WDR25: variants seen among roughly 807,000 people sequenced by gnomAD.
WDR25 encodes WD repeat-containing protein 25.
Under a neutral mutation model 47.7 loss-of-function variants are expected in WDR25, and 35 were observed. The observed-to-expected ratio is 0.73, with a 90% CI of 0.56 to 0.97. WDR25 has a LOEUF of 0.97. Ranked by LOEUF, WDR25 falls within the 50% of genes least tolerant of loss-of-function variation. The pLI, the probability that WDR25 is intolerant of heterozygous loss-of-function variation, is 0.00. For synonymous variants in WDR25, 248 were observed against 278.9 expected (o/e 0.89, Z 1.10); for missense variants, 634 against 704.7 (o/e 0.90, Z 1.14).
chr14:100,418,185 A>G (rs1595518999), intron 2 of WDR25, among the ~76,000 whole-genome samples: 1 of 149,476 alleles, frequency 6.7e-6, no homozygotes, highest in African/African-American at 2.5e-5. Flanking sequence ...CGTGATCCAC[A>G]CCCCCCACTC....
rs1046254956 is a variant in WDR25 at position 100,529,742 on chromosome 14, C to G, written c.1414-78C>G. ...TGCTCCGTCAGCTCGGGGCTTCAGC[C>G]TGCTCCTCTGTAGAATGGGCATACT... On this transcript the variant is annotated intron_variant, in intron 6 of 6. Transcript: ENST00000402312. The surrounding 1 kb of genome is among the most constrained non-coding windows in gnomAD (Gnocchi z 5.1). The G allele has an allele frequency of 6.7e-6, 10 of 1,484,286 alleles. No individual in the cohort carries two copies. The Middle Eastern group carries it at 9.7e-4, about 144-fold the overall frequency. The allele number at this position is 1,484,286 out of a possible 1,614,324, so 91.9% of individuals were successfully genotyped here.
At chr14:100,507,064 TGTTGA>T (rs1901134881) in intron 4 of WDR25, among the ~76,000 whole-genome samples, 1 of 152,212 alleles carries the variant, frequency 6.6e-6, no homozygotes, top group Non-Finnish European at 1.5e-5. Flanking sequence ...TACATTTAAA[TGTTGA>T]GTTAATTTTT....
chr14:100,463,524 G>A (rs1899499209), intron 2 of WDR25, among the ~76,000 whole-genome samples: 1 of 152,108 alleles, frequency 6.6e-6, no homozygotes, highest in South Asian at 2.1e-4. Context: ...TTGGAGGCCT[G>A]GGGCTGAGAT....
At chr14:100,383,353 C>G (rs1241816796) in intron 2 of WDR25, among the ~76,000 whole-genome samples, 1 of 152,198 alleles carries the variant, frequency 6.6e-6, no homozygotes, top group Non-Finnish European at 1.5e-5. Context: ...ATCCTGTGGC[C>G]CCGGGGCTTC....
At chr14:100,447,745 C>T (rs76118798) in intron 2 of WDR25, among the ~76,000 whole-genome samples, 8,985 of 152,250 alleles carry the variant, frequency 0.059, 629 homozygotes, top group African/African-American at 0.17. Flanking sequence ...ATTTCCCAGA[C>T]TTAAGCAATT....
In WDR25 at chr14:100,425,187, C is replaced by T. The variant is rs1401298588; in HGVS notation, c.823-42834C>T. Among the ~76,000 whole-genome samples, 2 of 152,230 alleles carry T rather than the reference C, an allele frequency of 1.3e-5. No individual in the cohort carries two copies. The highest frequency in any genetic ancestry group is 6.5e-5 in the Admixed American group (1 of 15,282). ...GGCCTGCAGGGCTCAGGATCAAGTT[C>T]CTCTTCCTTGATGTGGGTCCTGGGT... is the stretch of plus-strand genomic sequence containing the variant. On this transcript the variant is annotated intron_variant, in intron 2 of 6. Coordinates refer to ENST00000402312, the MANE Select transcript of WDR25 (RefSeq NM_001161476.3). The surrounding 1 kb of genome is among the most constrained non-coding windows in gnomAD (Gnocchi z 4.8).
At chr14:100,429,524 T>C (rs1443170343) in intron 2 of WDR25, among the ~76,000 whole-genome samples, 1 of 152,130 alleles carries the variant, frequency 6.6e-6, no homozygotes, top group East Asian at 1.9e-4. Context: ...GGCAGTCCTA[T>C]ACATACAGCT....
rs887926663 is a variant in WDR25, at chr14:100,425,607, G to A, written c.823-42414G>A. Among the ~76,000 whole-genome samples the A allele has an allele frequency of 1.2e-4, 19 of 152,326 alleles. No individual in the cohort carries two copies. Among genetic ancestry groups the A allele is most frequent in the African/African-American group, 4.1e-4 (17 of 41,564 alleles). On this transcript the variant is annotated intron_variant, in intron 2 of 6. Transcript: ENST00000402312. The surrounding 1 kb of genome is among the most constrained non-coding windows in gnomAD (Gnocchi z 4.8). ...ATGAAGCTCATCAGGCAGCACCGTC[G>A]GACGCTGATGGTGGGGGCTGGGCCC...
In WDR25 at chr14:100,475,117, A is replaced by G. The variant is rs147748591; in HGVS notation, c.970+6949A>G. Among the ~76,000 whole-genome samples, 20 of 152,372 alleles carry G rather than the reference A, an allele frequency of 1.3e-4. No homozygotes were observed. The East Asian group carries it at 3.3e-3, about 25-fold the overall frequency. On this transcript the variant is annotated intron_variant, in intron 3 of 6. Coordinates refer to ENST00000402312, the MANE Select transcript of WDR25 (RefSeq NM_001161476.3). ...TCACCTCAAACCTGTTGGAATGCCT[A>G]TTTTCAAAAAGACAAATGATAGCAA...
At chr14:100,414,819 G>A (rs540243363) in intron 2 of WDR25, among the ~76,000 whole-genome samples, 4 of 151,644 alleles carry the variant, frequency 2.6e-5, no homozygotes, top group East Asian at 1.9e-4. Flanking sequence ...CAGGAGAATC[G>A]CGTGAACCCG....
chr14:100,382,006 G>A, intron 2 of WDR25: 2 of 699,060 alleles, frequency 2.9e-6, no homozygotes, highest in Non-Finnish European at 2.6e-6. Context: ...CCGTGAGGGA[G>A]GAGGTGAGAG....
intron 2 of WDR25, among the ~76,000 whole-genome samples, chr14:100,390,965 GTTATCCTGA>G (rs1897131565): frequency 6.6e-6 from 1 of 152,166 alleles, no homozygotes; most frequent in South Asian, 2.1e-4. Flanking sequence ...ACAAGCATTT[GTTATCCTGA>G]TTCTTGTCCA....
intron 3 of WDR25, among the ~76,000 whole-genome samples, chr14:100,474,025 C>T (rs749614185): frequency 3.4e-4 from 51 of 152,180 alleles, no homozygotes; most frequent in Non-Finnish European, 6.3e-4. Flanking sequence ...GAAGTGAAGG[C>T]TCAGAGGGGC....
At chr14:100,422,658 A>C (rs1344275543) in intron 2 of WDR25, among the ~76,000 whole-genome samples, 4 of 152,116 alleles carry the variant, frequency 2.6e-5, no homozygotes, top group Admixed American at 6.5e-5. Context: ...TCCCCTCCTG[A>C]GTATTTGTTC....
Position 100,506,468 on chromosome 14 carries a change from T to C in WDR25, c.1102-19402T>C, listed in dbSNP as rs376843634. ...TGGGATAAATGGTAGTACTGTTTTATGTTCTTTGAGAAACCTCCAAACTGC... is the reference window on the plus strand; with the variant it reads ...TGGGATAAATGGTAGTACTGTTTTACGTTCTTTGAGAAACCTCCAAACTGC... On this transcript the variant is annotated intron_variant, in intron 4 of 6. Coordinates refer to ENST00000402312, the MANE Select transcript of WDR25 (RefSeq NM_001161476.3). The surrounding 1 kb of genome is among the most constrained non-coding windows in gnomAD (Gnocchi z 4.8). Among the ~76,000 whole-genome samples, 3 of 152,316 alleles carry C rather than the reference T, an allele frequency of 2.0e-5. No homozygotes were observed. The highest frequency in any genetic ancestry group is 2.9e-5 in the Non-Finnish European group (2 of 68,000).
chr14:100,421,079 C>T (rs141162706), intron 2 of WDR25, among the ~76,000 whole-genome samples: 1 of 152,288 alleles, frequency 6.6e-6, no homozygotes, highest in East Asian at 1.9e-4. Flanking sequence ...CCCTCGTCTG[C>T]AACTGCCTGT....
intron 1 of WDR25, among the ~76,000 whole-genome samples, chr14:100,380,381 T>C (rs1249662125): frequency 6.6e-6 from 1 of 152,208 alleles, no homozygotes; most frequent in Non-Finnish European, 1.5e-5. Flanking sequence ...CTTGCTTATT[T>C]TTTACAGATT....
chr14:100,382,157 T>C, intron 2 of WDR25: 1 of 702,826 alleles, frequency 1.4e-6, no homozygotes, highest in Non-Finnish European at 2.6e-6. Context: ...GAGAGGTAGG[T>C]AGACCCAGCC....
intron 2 of WDR25, chr14:100,454,317 A>G (rs1334136012): frequency 1.6e-6 from 2 of 1,231,140 alleles, no homozygotes; most frequent in Non-Finnish European, 2.1e-6. Flanking sequence ...CTGGGTGTGG[A>G]GAAGATTTTG....
Sources: allele counts gnomAD v4.1 joint callset (sites outside exome capture counted in the v4.1 genomes callset), GRCh38; gene constraint gnomAD v4.1.1; non-coding constraint Gnocchi (gnomAD v3.1); transcripts MANE v1.5; gene names NCBI Gene and HGNC (gene_info 2026-07-23, HGNC 2026-07-21).